LRRC40: variants seen among roughly 807,000 people sequenced by gnomAD.
LRRC40 encodes leucine-rich repeat-containing protein 40.
LRRC40 carries 76 observed loss-of-function variants against 72.8 expected under a neutral mutation model. That is an observed-to-expected ratio of 1.04 (90% CI 0.87 to 1.26). The LOEUF (loss-of-function observed/expected upper bound fraction) is 1.26, where lower values mean the gene tolerates loss of function less well. LRRC40 is among the 50% of genes most tolerant of loss of function. LRRC40 has a pLI of 0.00. For missense variants in LRRC40, 684 were observed against 698.9 expected, an observed-to-expected ratio of 0.98 and a Z score of 0.24; for synonymous variants, 243 against 254.2, an observed-to-expected ratio of 0.96 and a Z score of 0.42.
At chr1:70,167,711 T>A (rs553416172) in intron 9 of LRRC40, among the ~76,000 whole-genome samples, 56 of 151,918 alleles carry the variant, frequency 3.7e-4, no homozygotes, top group Admixed American at 2.7e-3. Flanking sequence ...ACCTTCCAGG[T>A]TCTAGTGATT....
At chr1:70,152,674 T>C (rs568498161) in intron 11 of LRRC40, 131 bp from the exon 12 acceptor site, 1 of 635,084 alleles carries the variant, frequency 1.6e-6, no homozygotes, top group Admixed American at 3.1e-5. Flanking sequence ...CCTTTTACTT[T>C]TTCACAGGAA....
At chr1:70,181,537 T>C (rs1668246467) in intron 4 of LRRC40, among the ~76,000 whole-genome samples, 1 of 152,058 alleles carries the variant, frequency 6.6e-6, no homozygotes, top group African/African-American at 2.4e-5. Context: ...AATGCAAAAA[T>C]TCATGTATTC....
intron 1 of LRRC40, among the ~76,000 whole-genome samples, chr1:70,203,178 A>G (rs1668786447): frequency 6.6e-6 from 1 of 152,166 alleles, no homozygotes. Context: ...TACAGGCATG[A>G]GCTACTATCA....
In LRRC40 at chr1:70,152,521, C is replaced by T; in HGVS notation, c.1351G>A (p.Val451Ile). Residue 451 changes from valine to isoleucine, a missense_variant, in exon 12 of 15, where the codon GTT (valine) becomes ATT (isoleucine). Transcript: ENST00000370952. ...TTAAAACTGAGATCGACATCAGAAA[C>T]CATTTCCTTCAGTTCTACCATCCTG... Reference protein sequence around the residue: ...PKRMVELKEMVSDVDLSFNKL... With the variant: ...PKRMVELKEMISDVDLSFNKL... 6.3e-7 allele frequency: 1 copy of T among 1,596,790 alleles called. No individual in the cohort carries two copies. Among genetic ancestry groups the T allele is most frequent in the Non-Finnish European group, 8.6e-7 (1 of 1,165,180 alleles).
At chr1:70,199,440 G>A (rs995395638) in intron 1 of LRRC40, among the ~76,000 whole-genome samples, 10 of 151,942 alleles carry the variant, frequency 6.6e-5, no homozygotes, top group East Asian at 1.9e-4. Context: ...GTTTATCCTC[G>A]CACAATATGG....
intron 8 of LRRC40, 47 bp downstream of exon 8, chr1:70,173,575 T>C (rs761686458): frequency 1.4e-6 from 2 of 1,481,134 alleles, no homozygotes; most frequent in East Asian, 2.3e-5. Flanking sequence ...TCAACATATA[T>C]GTCTGAATTT....
At position 70,148,604 on chromosome 1, in the gene LRRC40, T is replaced by C. The variant is rs759919220; in HGVS notation, c.1586A>G (p.Gln529Arg). 1.2e-5 allele frequency: 19 copies of C among 1,613,078 alleles called. No homozygotes were observed. Among genetic ancestry groups the C allele is most frequent in the Non-Finnish European group, 1.6e-5 (19 of 1,179,332 alleles). ...TTTCTGAGGGTCCACAGATCCAACC[T>C]GATTATTACTAATCAGAATTGTTTC... ...TLETILISNNQVGSVDPQKMK... is the reference protein window; with the variant it reads ...TLETILISNNRVGSVDPQKMK... Residue 529 changes from glutamine to arginine, a missense_variant, in exon 14 of 15, where the codon CAG (glutamine) becomes CGG (arginine). Gln to Arg is a conservative substitution (Grantham distance 43). Transcript: ENST00000370952.
intron 7 of LRRC40, among the ~76,000 whole-genome samples, chr1:70,174,528 T>G (rs187460115): frequency 1.3e-5 from 2 of 152,190 alleles, no homozygotes; most frequent in Admixed American, 1.3e-4. Flanking sequence ...ACAACTCAAA[T>G]GTCCATCAAC....
In LRRC40 at chr1:70,205,547, A is replaced by ATACAACTTTAT; in HGVS notation, c.-8_-7insATAAAGTTGTA. The ATACAACTTTAT allele has an allele frequency of 6.3e-7, 1 of 1,588,962 alleles. No homozygotes were observed. The highest frequency in any genetic ancestry group is 8.6e-7 in the Non-Finnish European group (1 of 1,160,680). On this transcript the variant is annotated 5_prime_UTR_variant, in exon 1 of 15. Transcript: ENST00000370952. Reference sequence around the variant, plus strand: ...TCCGCTTCAGGCGCGACATGTTCAAAGTCCTAGGTCCAGAAGCTGCAGCCC... The same window carrying ATACAACTTTAT: ...TCCGCTTCAGGCGCGACATGTTCAAATACAACTTTATGTCCTAGGTCCAGAAGCTGCAGCCC...
At chr1:70,180,588 G>T (rs1478315386) in intron 5 of LRRC40, 3 of 152,142 alleles carry the variant, frequency 2.0e-5, no homozygotes, top group Non-Finnish European at 4.4e-5. Context: ...CAATACTTCA[G>T]ATATTATGGT....
chr1:70,168,935 T>C (rs1389221799), intron 9 of LRRC40, among the ~76,000 whole-genome samples: 6 of 152,194 alleles, frequency 3.9e-5, no homozygotes, highest in Non-Finnish European at 7.3e-5. Flanking sequence ...AGGGAAATTT[T>C]AGCTATAAAT....
At chr1:70,192,876 C>G (rs997206692) in intron 1 of LRRC40, among the ~76,000 whole-genome samples, 2 of 151,924 alleles carry the variant, frequency 1.3e-5, no homozygotes, top group Admixed American at 1.3e-4. Flanking sequence ...AGGCTTAGTA[C>G]CTGGGTGACA....
At chr1:70,190,456 G>C (rs573186288) in intron 1 of LRRC40, among the ~76,000 whole-genome samples, 10 of 151,550 alleles carry the variant, frequency 6.6e-5, no homozygotes, top group African/African-American at 2.4e-4. Flanking sequence ...TAAGGTGGGA[G>C]GATCACTTGA....
intron 11 of LRRC40, among the ~76,000 whole-genome samples, chr1:70,152,945 A>G (rs556528756): frequency 4.6e-4 from 70 of 152,360 alleles, no homozygotes; most frequent in African/African-American, 1.6e-3. Context: ...TTTCTACTAC[A>G]TAAGTAGTGT....
At chr1:70,177,211 G>T (rs1668128400) in intron 6 of LRRC40, among the ~76,000 whole-genome samples, 1 of 152,172 alleles carries the variant, frequency 6.6e-6, no homozygotes, top group Admixed American at 6.5e-5. Context: ...GTGAGGCGGA[G>T]GTTGCAGTGA....
intron 1 of LRRC40, among the ~76,000 whole-genome samples, chr1:70,193,073 C>A (rs1384584018): frequency 6.6e-6 from 1 of 151,884 alleles, no homozygotes; most frequent in South Asian, 2.1e-4. Flanking sequence ...TAACCCCATC[C>A]CACAATGATC....
intron 14 of LRRC40, among the ~76,000 whole-genome samples, chr1:70,146,132 C>T (rs1307029131): frequency 6.6e-6 from 1 of 152,090 alleles, no homozygotes. Flanking sequence ...TCAAGTAATT[C>T]TCATGCCTCA....
At chr1:70,196,341 G>A (rs1040891503) in intron 1 of LRRC40, among the ~76,000 whole-genome samples, 1 of 152,152 alleles carries the variant, frequency 6.6e-6, no homozygotes, top group Non-Finnish European at 1.5e-5. Context: ...TTTGAGCCCA[G>A]AAGTTTGAGA....
At chr1:70,172,015 T>C (rs996271072) in intron 9 of LRRC40, among the ~76,000 whole-genome samples, 10 of 152,154 alleles carry the variant, frequency 6.6e-5, no homozygotes, top group Non-Finnish European at 5.9e-5. Flanking sequence ...AAATTTCCTA[T>C]GTTGAAATCT....
Sources: gnomAD v4.1 joint callset for allele counts (sites outside exome capture counted in the v4.1 genomes callset) on GRCh38, gnomAD v4.1.1 for gene constraint, MANE v1.5 for transcripts, NCBI Gene and HGNC (gene_info 2026-07-23, HGNC 2026-07-21) for gene names.